Variants in ADAMTS2 observed in about 807,000 individuals in gnomAD.
The protein encoded by ADAMTS2 is A disintegrin and metalloproteinase with thrombospondin motifs 2.
In ADAMTS2, 50 loss-of-function variants were observed where a neutral mutation model predicts 123.0. That is an observed-to-expected ratio of 0.41 (90% CI 0.32 to 0.51). ADAMTS2 has a LOEUF of 0.51. Ranked by LOEUF, ADAMTS2 falls within the 20% of genes least tolerant of loss-of-function variation. The pLI is 0.35. For synonymous variants in ADAMTS2, 678 were observed against 695.4 expected, an observed-to-expected ratio of 0.98 and a Z score of 0.39; for missense variants, 1,494 against 1,705.2, an observed-to-expected ratio of 0.88 and a Z score of 2.18.
chr5:179,184,739 T>G (rs1339833533), intron 4 of ADAMTS2, among the ~76,000 whole-genome samples: 1 of 151,804 alleles, frequency 6.6e-6, no homozygotes, highest in African/African-American at 2.4e-5. Context: ...GGTCTCTCCT[T>G]CCCCACTGGG....
intron 5 of ADAMTS2, among the ~76,000 whole-genome samples, chr5:179,160,499 G>C (rs963383571): frequency 7.9e-5 from 12 of 152,226 alleles, no homozygotes; most frequent in South Asian, 2.1e-4. Flanking sequence ...AAGCCAGTTA[G>C]TTCCAGAAGA....
At chr5:179,224,300 C>T (rs745417017) in intron 3 of ADAMTS2, among the ~76,000 whole-genome samples, 15 of 152,308 alleles carry the variant, frequency 9.8e-5, no homozygotes, top group Middle Eastern at 3.4e-3. Context: ...CATCCGTAGG[C>T]GCCATCCTGA....
At chr5:179,323,402 G>T (rs1757236966) in intron 2 of ADAMTS2, among the ~76,000 whole-genome samples, 1 of 152,224 alleles carries the variant, frequency 6.6e-6, no homozygotes, top group Non-Finnish European at 1.5e-5. Context: ...GCAGACACCA[G>T]GCTTCGTGGC....
intron 2 of ADAMTS2, among the ~76,000 whole-genome samples, chr5:179,299,530 A>AACACACACAC (rs3986821): frequency 0.38 from 46,032 of 120,060 alleles, 9,428 homozygotes; most frequent in East Asian, 0.49. Flanking sequence ...CTCCAACTCA[A>AACACACACAC]ACACACACAC....
At chr5:179,344,971 A>T (rs1032829352) in intron 1 of ADAMTS2, among the ~76,000 whole-genome samples, 4 of 151,770 alleles carry the variant, frequency 2.6e-5, no homozygotes, top group African/African-American at 7.3e-5. Flanking sequence ...AGGAGCCGCC[A>T]GTGCTCCGAG....
intron 4 of ADAMTS2, among the ~76,000 whole-genome samples, chr5:179,196,147 C>T (rs1764427051): frequency 6.6e-6 from 1 of 152,158 alleles, no homozygotes; most frequent in African/African-American, 2.4e-5. Context: ...GGATTGTTTG[C>T]AAACCCTGGC....
chr5:179,277,364 ACCCCCCGAGACCAAAGGCTGACCC>A (rs1561674835), intron 2 of ADAMTS2, among the ~76,000 whole-genome samples: 23 of 4,368 alleles, frequency 5.3e-3, no homozygotes, highest in Admixed American at 0.039. Flanking sequence ...AAAGGCTGAC[ACCCCCCGAGACCAAAGGCTGACCC>A]CCCCCCCGAG....
At chr5:179,195,392 C>T (rs551814309) in intron 4 of ADAMTS2, among the ~76,000 whole-genome samples, 1 of 152,336 alleles carries the variant, frequency 6.6e-6, no homozygotes, top group Admixed American at 6.5e-5. Context: ...CTCAGGCCAC[C>T]CACACACCAG....
chr5:179,119,984 T>C (rs1762725004), intron 21 of ADAMTS2, among the ~76,000 whole-genome samples: 1 of 152,012 alleles, frequency 6.6e-6, no homozygotes, highest in Non-Finnish European at 1.5e-5. Flanking sequence ...GGAAAATACC[T>C]GGGGAGGGGA....
intron 2 of ADAMTS2, among the ~76,000 whole-genome samples, chr5:179,329,845 GGCCGGGCGTGGTGGCTCAC>G (rs574034746): frequency 9.2e-5 from 14 of 152,328 alleles, no homozygotes; most frequent in African/African-American, 3.1e-4. Flanking sequence ...ACAAGTTTCA[GGCCGGGCGTGGTGGCTCAC>G]GCCTGTAATC....
chr5:179,207,400 A>T (rs1764723095), intron 4 of ADAMTS2, 113 bp downstream of exon 4: 2 of 1,158,852 alleles, frequency 1.7e-6, no homozygotes, highest in Non-Finnish European at 2.5e-6. Context: ...CCTCCGGCTA[A>T]CAAGGAAATC....
At chr5:179,131,330 A>G (rs1762958035) in intron 15 of ADAMTS2, among the ~76,000 whole-genome samples, 1 of 150,408 alleles carries the variant, frequency 6.6e-6, no homozygotes, top group South Asian at 2.1e-4. Flanking sequence ...AAAAAAAAAA[A>G]AGTAAGAAAG....
At chr5:179,200,710 C>A (rs1764543854) in intron 4 of ADAMTS2, among the ~76,000 whole-genome samples, 1 of 152,164 alleles carries the variant, frequency 6.6e-6, no homozygotes, top group Non-Finnish European at 1.5e-5. Context: ...AGGCATCAAA[C>A]ACATCACCCA....
At chr5:179,326,099 C>T (rs922573517) in intron 2 of ADAMTS2, among the ~76,000 whole-genome samples, 1 of 152,232 alleles carries the variant, frequency 6.6e-6, no homozygotes, top group African/African-American at 2.4e-5. Context: ...GGCCTGCCCG[C>T]CACGAGACTC....
At chr5:179,333,704 A>G (rs1355843200) in intron 2 of ADAMTS2, among the ~76,000 whole-genome samples, 3 of 146,944 alleles carry the variant, frequency 2.0e-5, no homozygotes, top group Non-Finnish European at 4.4e-5. Context: ...GGTTCAAGAG[A>G]TTCTCCTGCC....
Position 179,132,209 on chromosome 5 carries a change from T to A in ADAMTS2, c.2290+21A>T, listed in dbSNP as rs565337977. Reference sequence around the variant, plus strand: ...GGAGCCAGGTCCTGAGGACGTCAAGTTGTCCGGCTCTGAGACTCACCCAGA... The same window carrying A: ...GGAGCCAGGTCCTGAGGACGTCAAGATGTCCGGCTCTGAGACTCACCCAGA... On this transcript the variant is annotated intron_variant, in intron 15 of 21. Transcript: ENST00000251582. The surrounding 1 kb of genome is among the most constrained non-coding windows in gnomAD (Gnocchi z 6.1). The A allele has an allele frequency of 1.2e-5, 20 of 1,612,346 alleles. No homozygotes were observed. The East Asian group carries it at 1.6e-4, about 13-fold the overall frequency.
chr5:179,208,010 A>G (rs1764749008), intron 3 of ADAMTS2, among the ~76,000 whole-genome samples: 1 of 151,562 alleles, frequency 6.6e-6, no homozygotes, highest in Non-Finnish European at 1.5e-5. Flanking sequence ...CACACGATGG[A>G]TCAGACCTGC....
rs1764154234 is a variant in ADAMTS2 at position 179,185,538 on chromosome 5, C to T, written c.892-4383G>A. ...CCCTGGGGCCGAAGGTGGCAGCTCT[C>T]ATCTCAAGAAGGAATCTTGTGTCCT... On this transcript the variant is annotated intron_variant, in intron 4 of 21. Transcript: ENST00000251582. The surrounding 1 kb of genome is among the most constrained non-coding windows in gnomAD (Gnocchi z 5.9). Among the ~76,000 whole-genome samples, 1 of 152,138 alleles carries T rather than the reference C, an allele frequency of 6.6e-6. No individual in the cohort carries two copies. The highest frequency in any genetic ancestry group is 1.9e-4 in the East Asian group (1 of 5,152).
At chr5:179,221,805 G>A (rs1050403948) in intron 3 of ADAMTS2, among the ~76,000 whole-genome samples, 4 of 152,088 alleles carry the variant, frequency 2.6e-5, no homozygotes, top group African/African-American at 9.7e-5. Context: ...CTCTCTCCCA[G>A]TGAGTGTCAG....
Sources: allele counts gnomAD v4.1 joint callset (sites outside exome capture counted in the v4.1 genomes callset), GRCh38; gene constraint gnomAD v4.1.1; non-coding constraint Gnocchi (gnomAD v3.1); transcripts MANE v1.5; gene names NCBI Gene and HGNC (gene_info 2026-07-23, HGNC 2026-07-21).